The following AGBL4 variants were observed in gnomAD, a reference collection of about 807,000 sequenced individuals.
AGBL4 encodes the protein AGBL carboxypeptidase 4, also known as cytosolic carboxypeptidase 6.
Under a neutral mutation model 66.4 loss-of-function variants are expected in AGBL4, and 58 were observed. The ratio of observed to expected loss-of-function variants is 0.87; its 90% confidence interval spans 0.71 to 1.09. The LOEUF is 1.09. Ranked by LOEUF, AGBL4 falls within the 50% of genes least tolerant of loss-of-function variation. The pLI is 0.00. For synonymous variants in AGBL4, 234 were observed against 222.9 expected, an observed-to-expected ratio of 1.05 and a Z score of -0.44; for missense variants, 579 against 631.0, an observed-to-expected ratio of 0.92 and a Z score of 0.88.
At chr1:49,067,066 G>T (rs1644504987) in intron 4 of AGBL4, among the ~76,000 whole-genome samples, 1 of 152,100 alleles carries the variant, frequency 6.6e-6, no homozygotes, top group Admixed American at 6.5e-5. Flanking sequence ...AGAAATACAG[G>T]CATCCTGACC....
At chr1:49,932,343 T>C (rs1271714042) in intron 1 of AGBL4, among the ~76,000 whole-genome samples, 1 of 152,112 alleles carries the variant, frequency 6.6e-6, no homozygotes, top group Non-Finnish European at 1.5e-5. Context: ...ATGTGGCACC[T>C]TATAAAAATG....
At chr1:49,322,135 A>G (rs913108089) in intron 3 of AGBL4, among the ~76,000 whole-genome samples, 2 of 152,234 alleles carry the variant, frequency 1.3e-5, no homozygotes, top group African/African-American at 4.8e-5. Flanking sequence ...TTAATGAAAA[A>G]TAATTAAGGG....
intron 2 of AGBL4, among the ~76,000 whole-genome samples, chr1:49,808,970 A>C (rs575517154): frequency 2.7e-4 from 41 of 152,304 alleles, no homozygotes; most frequent in Non-Finnish European, 4.6e-4. Flanking sequence ...TTCAGAAATA[A>C]AAATACTAAA....
At chr1:48,530,484 T>G, downstream of AGBL4, among the ~76,000 whole-genome samples, 1 of 152,184 alleles carries the variant, frequency 6.6e-6, no homozygotes, top group East Asian at 1.9e-4. Context: ...TGAGTTACAG[T>G]GAAAGGATAC....
chr1:49,020,735 G>C (rs1488713106), intron 5 of AGBL4, among the ~76,000 whole-genome samples: 1 of 152,078 alleles, frequency 6.6e-6, no homozygotes, highest in Non-Finnish European at 1.5e-5. Flanking sequence ...AAGAGAACCT[G>C]GACAGTTTTC....
At chr1:48,876,251 C>T (rs1272761643) in intron 5 of AGBL4, among the ~76,000 whole-genome samples, 1 of 152,130 alleles carries the variant, frequency 6.6e-6, no homozygotes, top group Non-Finnish European at 1.5e-5. Flanking sequence ...AATACAGAAA[C>T]CTCGATCAAG....
chr1:49,633,068 A>G (rs1235179136), intron 3 of AGBL4, among the ~76,000 whole-genome samples: 6 of 152,012 alleles, frequency 3.9e-5, no homozygotes, highest in African/African-American at 1.2e-4. Flanking sequence ...GCAAGACTCC[A>G]TCTCAAAAAA....
intron 6 of AGBL4, among the ~76,000 whole-genome samples, chr1:48,695,501 C>T (rs1646700776): frequency 6.6e-6 from 1 of 152,172 alleles, no homozygotes; most frequent in African/African-American, 2.4e-5. Context: ...AACACAATGG[C>T]CTCAGGACTT....
intron 6 of AGBL4, among the ~76,000 whole-genome samples, chr1:48,818,821 G>T (rs1159656639): frequency 1.3e-5 from 2 of 152,074 alleles, no homozygotes; most frequent in Non-Finnish European, 2.9e-5. Context: ...TAGTTTTTGA[G>T]CATTTTAAGT....
chr1:49,661,575 C>T (rs1220576176), intron 3 of AGBL4, among the ~76,000 whole-genome samples: 1 of 152,132 alleles, frequency 6.6e-6, no homozygotes, highest in Non-Finnish European at 1.5e-5. Context: ...TCATCAGAAG[C>T]AAATGCTGGC....
At chr1:48,790,942 C>T (rs1420773123) in intron 6 of AGBL4, among the ~76,000 whole-genome samples, 5 of 152,168 alleles carry the variant, frequency 3.3e-5, no homozygotes, top group Non-Finnish European at 7.4e-5. Context: ...TATTTTGTCT[C>T]TCTCTCTCAT....
chr1:48,994,848 A>C (rs1214742158), intron 5 of AGBL4, among the ~76,000 whole-genome samples: 1 of 152,224 alleles, frequency 6.6e-6, no homozygotes, highest in Non-Finnish European at 1.5e-5. Flanking sequence ...TCCTATGCAT[A>C]ATTAGATCAG....
chr1:49,261,696 G>T (rs1405470343), intron 3 of AGBL4, among the ~76,000 whole-genome samples: 1 of 151,140 alleles, frequency 6.6e-6, no homozygotes, highest in Non-Finnish European at 1.5e-5. Context: ...CATGCTCATG[G>T]GTAGGAAGAA....
chr1:48,759,693 CCAGGCCAAGTGATCCCAGAGGA>C (rs1644152892), intron 6 of AGBL4, among the ~76,000 whole-genome samples: 2 of 152,150 alleles, frequency 1.3e-5, no homozygotes, highest in African/African-American at 4.8e-5. Flanking sequence ...AGAAATGAGG[CCAGGCCAAGTGATCCCAGAGGA>C]CTCACAAATG....
intron 3 of AGBL4, among the ~76,000 whole-genome samples, chr1:49,405,734 C>A (rs938420277): frequency 1.3e-5 from 2 of 152,156 alleles, no homozygotes; most frequent in Non-Finnish European, 2.9e-5. Flanking sequence ...GGCCTCAGAT[C>A]TACGTTTTTA....
intron 4 of AGBL4, among the ~76,000 whole-genome samples, chr1:49,139,595 T>C (rs1213643407): frequency 6.6e-6 from 1 of 152,158 alleles, no homozygotes; most frequent in East Asian, 1.9e-4. Flanking sequence ...TGTGGATAAA[T>C]GACACATATT....
intron 6 of AGBL4, among the ~76,000 whole-genome samples, chr1:48,800,245 G>A (rs1371584343): frequency 6.6e-6 from 1 of 152,126 alleles, no homozygotes; most frequent in Non-Finnish European, 1.5e-5. Context: ...TATATTTCCA[G>A]GAATTTATCC....
intron 3 of AGBL4, among the ~76,000 whole-genome samples, chr1:49,346,784 C>A (rs1442414964): frequency 6.6e-6 from 1 of 152,166 alleles, no homozygotes; most frequent in Non-Finnish European, 1.5e-5. Flanking sequence ...GATTAAGGAT[C>A]CCCTTGTAAA....
At chr1:49,807,519 A>C (rs555925826) in intron 2 of AGBL4, among the ~76,000 whole-genome samples, 1 of 152,234 alleles carries the variant, frequency 6.6e-6, no homozygotes, top group African/African-American at 2.4e-5. Flanking sequence ...TCATAGGTAC[A>C]TAGCTAGAGA....
Sources: allele counts gnomAD v4.1 joint callset (sites outside exome capture counted in the v4.1 genomes callset), GRCh38; gene constraint gnomAD v4.1.1; transcripts MANE v1.5; gene names NCBI Gene and HGNC (gene_info 2026-07-23, HGNC 2026-07-21).